The following RCSD1 variants were observed in gnomAD, a reference collection of about 807,000 sequenced individuals.
The protein encoded by RCSD1 is RCSD domain containing 1, also known as capZ-interacting protein.
A neutral mutation model predicts 42.5 loss-of-function variants in RCSD1; 26 were observed. The ratio of observed to expected loss-of-function variants is 0.61; its 90% CI spans 0.45 to 0.85. The LOEUF (loss-of-function observed/expected upper bound fraction) is 0.85, where lower values mean the gene tolerates loss of function less well. RCSD1 is among the 40% of genes least tolerant of loss of function. The probability of loss-of-function intolerance (pLI) is 0.00; values close to 1 mark genes in which losing one functional copy is unlikely to be tolerated. For missense variants in RCSD1, 571 were observed against 528.3 expected (o/e 1.08, Z -0.79); for synonymous variants, 220 against 212.2 (o/e 1.04, Z -0.32).
In RCSD1 at chr1:167,630,409, C is replaced by T. The variant is rs755056854; in HGVS notation, c.-15C>T. On this transcript the variant is annotated 5_prime_UTR_variant, in exon 1 of 7. Coordinates refer to ENST00000367854, the MANE Select transcript of RCSD1 (RefSeq NM_052862.4). ...CGAGCGGGTGCGTCTGCCGCAGAGT[C>T]GGCACCTGAAGGACATGGAGGTAAA... 8 of 1,527,334 alleles carry T rather than the reference C, an allele frequency of 5.2e-6. No homozygotes were observed. The South Asian group carries it at 6.2e-5, about 12-fold the overall frequency. 94.6% of individuals were successfully genotyped at this position (1,527,334 alleles called of 1,614,324 possible). A position where few individuals can be genotyped will look rare whatever the true frequency, so the allele number is the denominator to read the frequency against.
intron 5 of RCSD1, among the ~76,000 whole-genome samples, chr1:167,696,489 C>T (rs72697737): frequency 0.071 from 10,598 of 149,732 alleles, 443 homozygotes; most frequent in Middle Eastern, 0.12. Flanking sequence ...TCTTTCTGTG[C>T]TGCCCAGGCT....
chr1:167,644,612 G>A (rs1262170000), intron 1 of RCSD1, among the ~76,000 whole-genome samples: 2 of 152,136 alleles, frequency 1.3e-5, no homozygotes, highest in African/African-American at 2.4e-5. Context: ...TCAATGAAAC[G>A]AGGAGGTAGG....
intron 1 of RCSD1, among the ~76,000 whole-genome samples, chr1:167,657,533 A>G (rs1412191561): frequency 6.6e-6 from 1 of 152,194 alleles, no homozygotes; most frequent in East Asian, 1.9e-4. Flanking sequence ...TACTTCCTAA[A>G]AACAGCTTCA....
At chr1:167,686,345 G>A (rs1659236331) in intron 3 of RCSD1, among the ~76,000 whole-genome samples, 1 of 152,168 alleles carries the variant, frequency 6.6e-6, no homozygotes, top group Non-Finnish European at 1.5e-5. Context: ...TTGGGGACCA[G>A]CATCCTGACA....
At chr1:167,654,028 C>T (rs760434519) in intron 1 of RCSD1, among the ~76,000 whole-genome samples, 3 of 152,178 alleles carry the variant, frequency 2.0e-5, no homozygotes, top group Non-Finnish European at 4.4e-5. Context: ...GCTCCAATTC[C>T]ACCTTCTACA....
At chr1:167,690,175 C>T (rs1344028754) in intron 4 of RCSD1, 55 bp downstream of exon 4, 1 of 1,559,448 alleles carries the variant, frequency 6.4e-7, no homozygotes, top group South Asian at 1.1e-5. Flanking sequence ...CACTTCTTAT[C>T]CAAAATTTGC....
chr1:167,643,807 A>G (rs1658063921), intron 1 of RCSD1, among the ~76,000 whole-genome samples: 1 of 152,272 alleles, frequency 6.6e-6, no homozygotes, highest in South Asian at 2.1e-4. Flanking sequence ...TGCGTTGCAC[A>G]TATTAGGTGT....
At chr1:167,651,604 C>A (rs1441306120) in intron 1 of RCSD1, among the ~76,000 whole-genome samples, 2 of 152,156 alleles carry the variant, frequency 1.3e-5, no homozygotes, top group African/African-American at 4.8e-5. Context: ...TGTCTTCCTG[C>A]CCTTCTATCT....
At position 167,705,005 on chromosome 1, in the gene RCSD1, T is replaced by C. The variant is rs55766010; in HGVS notation, c.*309T>C. 9.3e-5 allele frequency: 26 copies of C among 280,286 alleles called. No homozygotes were observed. The highest frequency in any genetic ancestry group is 1.5e-4 in the African/African-American group (7 of 45,560). 17.4% of individuals were successfully genotyped at this position (280,286 alleles called of 1,614,324 possible). On this transcript the variant is annotated 3_prime_UTR_variant, in exon 7 of 7. Transcript: ENST00000367854. ...TGGTGATGAGTCCCAGGGGCACTGGTCAGCCTGTGGAGCCCTGGATGCTAT... is the reference window on the plus strand; with the variant it reads ...TGGTGATGAGTCCCAGGGGCACTGGCCAGCCTGTGGAGCCCTGGATGCTAT...
At chr1:167,637,562 A>G (rs1657890981) in intron 1 of RCSD1, among the ~76,000 whole-genome samples, 3 of 152,102 alleles carry the variant, frequency 2.0e-5, no homozygotes, top group African/African-American at 7.2e-5. Flanking sequence ...GGAGACCTCA[A>G]TCTAATGGCA....
chr1:167,655,225 A>C (rs779336207), intron 1 of RCSD1, among the ~76,000 whole-genome samples: 13 of 152,268 alleles, frequency 8.5e-5, no homozygotes, highest in Middle Eastern at 3.4e-3. Context: ...AGGCATCCGG[A>C]TAGCTTGTTA....
At chr1:167,698,267 G>A (rs376943001) in intron 6 of RCSD1, among the ~76,000 whole-genome samples, 17 of 152,234 alleles carry the variant, frequency 1.1e-4, no homozygotes, top group African/African-American at 4.1e-4. Context: ...CATGAGACCA[G>A]CAACTCTTTC....
At chr1:167,662,988 C>T (rs895611707) in intron 1 of RCSD1, among the ~76,000 whole-genome samples, 7 of 152,184 alleles carry the variant, frequency 4.6e-5, no homozygotes, top group Admixed American at 3.3e-4. Context: ...TCTTAGGAAG[C>T]GTCCTTTGCA....
At chr1:167,666,091 C>T (rs1366833028) in intron 1 of RCSD1, among the ~76,000 whole-genome samples, 2 of 152,222 alleles carry the variant, frequency 1.3e-5, no homozygotes, top group Admixed American at 6.5e-5. Context: ...GGATTACAGG[C>T]GTAAGCCACC....
At chr1:167,692,873 T>G (rs1659408363) in intron 4 of RCSD1, among the ~76,000 whole-genome samples, 1 of 152,096 alleles carries the variant, frequency 6.6e-6, no homozygotes, top group Non-Finnish European at 1.5e-5. Flanking sequence ...CAGCAGAGTC[T>G]GGCTGGTAGG....
chr1:167,671,262 G>A (rs1009514299), intron 1 of RCSD1, among the ~76,000 whole-genome samples: 2 of 152,150 alleles, frequency 1.3e-5, no homozygotes, highest in Non-Finnish European at 2.9e-5. Flanking sequence ...CACTCTACAT[G>A]TCTAAAAAGC....
intron 1 of RCSD1, among the ~76,000 whole-genome samples, chr1:167,674,008 T>A (rs922920233): frequency 2.6e-5 from 4 of 152,370 alleles, no homozygotes; most frequent in African/African-American, 9.6e-5. Flanking sequence ...CCTGTTTTCA[T>A]TCTGATAGTT....
chr1:167,662,883 A>G (rs1420160011), intron 1 of RCSD1, among the ~76,000 whole-genome samples: 1 of 152,096 alleles, frequency 6.6e-6, no homozygotes, highest in Non-Finnish European at 1.5e-5. Context: ...TCCATTATCC[A>G]CCTCTATTTT....
At position 167,675,652 on chromosome 1, in the gene RCSD1, G is replaced by A. The variant is rs115617853; in HGVS notation, c.7-8248G>A. Among the ~76,000 whole-genome samples the A allele has an allele frequency of 7.8e-3, 1,186 of 152,162 alleles. 17 individuals are homozygous for A. The highest frequency in any genetic ancestry group is 0.027 in the African/African-American group (1,139 of 41,514). On this transcript the variant is annotated intron_variant, in intron 1 of 6. Coordinates refer to ENST00000367854, the MANE Select transcript of RCSD1 (RefSeq NM_052862.4). ...TGTGTGAGTATTCAAAACCCTTGTC[G>A]TGACCCTAAAAGCCATAAAACGAAA...
Sources: gnomAD v4.1 joint callset for allele counts (sites outside exome capture counted in the v4.1 genomes callset) on GRCh38, gnomAD v4.1.1 for gene constraint, MANE v1.5 for transcripts, NCBI Gene and HGNC (gene_info 2026-07-23, HGNC 2026-07-21) for gene names.